Variants in CSMD1 observed in about 807,000 individuals in gnomAD.
The protein encoded by CSMD1 is CUB and sushi domain-containing protein 1.
A neutral mutation model predicts 417.5 loss-of-function variants in CSMD1; 213 were observed. That is an observed-to-expected ratio of 0.51 (90% CI 0.46 to 0.57). The LOEUF is 0.57. Among genes scored for constraint, CSMD1 ranks in the 20% least tolerant of loss-of-function variants. CSMD1 has a pLI of 0.00. For synonymous variants in CSMD1, 2,862 were observed against 1,736.8 expected (o/e 1.65, Z -16.11); for missense variants, 6,923 against 4,529.7 (o/e 1.53, Z -15.17).
chr8:3,504,843 T>A (rs555980733), intron 10 of CSMD1, among the ~76,000 whole-genome samples: 6 of 152,236 alleles, frequency 3.9e-5, no homozygotes, highest in African/African-American at 1.4e-4. Context: ...GAGTAGCAAG[T>A]TGAGAGTCAT....
chr8:4,279,755 A>C (rs1796677660), intron 3 of CSMD1, among the ~76,000 whole-genome samples: 1 of 152,198 alleles, frequency 6.6e-6, no homozygotes, highest in Non-Finnish European at 1.5e-5. Context: ...TGAAGAAAAA[A>C]AATAAAACTC....
At chr8:3,256,260 G>T (rs956738150) in intron 26 of CSMD1, among the ~76,000 whole-genome samples, 1 of 144,636 alleles carries the variant, frequency 6.9e-6, no homozygotes. Flanking sequence ...CTGGGAGGCA[G>T]AGGTTTCAGT....
chr8:4,585,801 A>G (rs2724979), intron 2 of CSMD1, among the ~76,000 whole-genome samples: 44,678 of 152,096 alleles, frequency 0.29, 6,792 homozygotes, highest in South Asian at 0.36. Context: ...AAGTTAAATT[A>G]AATCTGAGTA....
chr8:3,944,736 T>A (rs1474402520), intron 5 of CSMD1, among the ~76,000 whole-genome samples: 1 of 152,118 alleles, frequency 6.6e-6, no homozygotes, highest in Non-Finnish European at 1.5e-5. Flanking sequence ...TTCAAAATAA[T>A]GCACTTTTCA....
chr8:4,038,404 C>T (rs893784068), intron 3 of CSMD1, among the ~76,000 whole-genome samples: 2 of 152,070 alleles, frequency 1.3e-5, no homozygotes, highest in African/African-American at 4.8e-5. Flanking sequence ...GTTGCTAGGT[C>T]TATGCAAAGA....
intron 1 of CSMD1, among the ~76,000 whole-genome samples, chr8:4,805,756 C>G (rs1436205123): frequency 6.6e-6 from 1 of 152,078 alleles, no homozygotes; most frequent in Admixed American, 6.6e-5. Flanking sequence ...CTGTCATATT[C>G]CATTAATGAA....
At chr8:3,390,269 C>T (rs6982696) in intron 17 of CSMD1, among the ~76,000 whole-genome samples, 61,618 of 147,722 alleles carry the variant, frequency 0.42, 13,023 homozygotes, top group Middle Eastern at 0.48. Flanking sequence ...TCAGGAGAAA[C>T]GCTTGAACTC....
chr8:2,966,772 A>G lies in CSMD1; in HGVS notation c.8924-26T>C. ...CTGTTAGGCAAACAAGAACACCACC[A>G]CACACAGTGAGTGACCCAGCATGAA... On this transcript the variant is annotated intron_variant, in intron 57 of 69. Transcript: ENST00000635120. The G allele has an allele frequency of 1.9e-6, 3 of 1,607,612 alleles. No homozygotes were observed. The South Asian group carries it at 3.3e-5, about 18-fold the overall frequency.
intron 1 of CSMD1, among the ~76,000 whole-genome samples, chr8:4,875,292 C>G (rs1411102129): frequency 6.6e-6 from 1 of 152,032 alleles, no homozygotes; most frequent in African/African-American, 2.4e-5. Flanking sequence ...CTCACTGATT[C>G]TCAGTTCGAA....
intron 2 of CSMD1, among the ~76,000 whole-genome samples, chr8:4,630,958 T>C (rs1391387269): frequency 6.6e-6 from 1 of 152,110 alleles, no homozygotes; most frequent in African/African-American, 2.4e-5. Flanking sequence ...CAATAAGAAG[T>C]CAAAACATGT....
intron 2 of CSMD1, among the ~76,000 whole-genome samples, chr8:4,541,491 T>G (rs1275536879): frequency 6.6e-6 from 1 of 152,144 alleles, no homozygotes; most frequent in Non-Finnish European, 1.5e-5. Flanking sequence ...CTCACACCTG[T>G]AATCCCCACA....
intron 3 of CSMD1, among the ~76,000 whole-genome samples, chr8:4,201,634 C>T (rs564243804): frequency 6.7e-6 from 1 of 149,950 alleles, no homozygotes; most frequent in African/African-American, 2.5e-5. Context: ...TACAAATAAG[C>T]CTTTATTTAC....
chr8:3,564,659 G>T (rs895191387), intron 10 of CSMD1, among the ~76,000 whole-genome samples: 20 of 151,748 alleles, frequency 1.3e-4, no homozygotes, highest in Non-Finnish European at 2.2e-4. Flanking sequence ...TGAAAGTTAA[G>T]AACTGAGGTG....
At chr8:4,941,580 A>C (rs62488199) in intron 1 of CSMD1, among the ~76,000 whole-genome samples, 77,878 of 151,362 alleles carry the variant, frequency 0.51, 21,249 homozygotes, top group East Asian at 0.79. Flanking sequence ...TCATGGAAAC[A>C]ATCAGTTTTT....
At chr8:3,602,035 T>G (rs1316479859) in intron 8 of CSMD1, among the ~76,000 whole-genome samples, 1 of 152,056 alleles carries the variant, frequency 6.6e-6, no homozygotes, top group Admixed American at 6.6e-5. Context: ...GGAGTTTCAG[T>G]TTTGCAGGAT....
chr8:4,300,884 A>G (rs901317563), intron 3 of CSMD1, among the ~76,000 whole-genome samples: 2 of 152,170 alleles, frequency 1.3e-5, no homozygotes, highest in African/African-American at 4.8e-5. Context: ...TTATGGCTAC[A>G]TAGTATTCCA....
At chr8:3,987,846 C>G (rs1252261318) in intron 5 of CSMD1, among the ~76,000 whole-genome samples, 1 of 152,132 alleles carries the variant, frequency 6.6e-6, no homozygotes, top group African/African-American at 2.4e-5. Context: ...GACAGCCTGC[C>G]AAAAAGAAAT....
At chr8:4,365,484 G>T (rs372160419) in intron 3 of CSMD1, among the ~76,000 whole-genome samples, 1 of 152,074 alleles carries the variant, frequency 6.6e-6, no homozygotes, top group Non-Finnish European at 1.5e-5. Flanking sequence ...AAGTCTACTG[G>T]CCTTAGGGCA....
At position 4,773,980 on chromosome 8, in the gene CSMD1, C is replaced by G. The variant is rs537157993; in HGVS notation, c.86-136422G>C. On this transcript the variant is annotated intron_variant, in intron 1 of 69. Transcript: ENST00000635120. ...TGAGGCAGAGGTGGGTGGATCGCCT[C>G]AGGTCAGGAGTTCAAGACCAGCCTG... Among the ~76,000 whole-genome samples, 3 of 152,164 alleles carry G rather than the reference C, an allele frequency of 2.0e-5. No homozygotes were observed. In the East Asian group the frequency reaches 5.8e-4, roughly 30 times the overall value.
Sources: gnomAD v4.1 joint callset for allele counts (sites outside exome capture counted in the v4.1 genomes callset) on GRCh38, gnomAD v4.1.1 for gene constraint, MANE v1.5 for transcripts, NCBI Gene and HGNC (gene_info 2026-07-23, HGNC 2026-07-21) for gene names.